Variants in PDE4D observed in about 807,000 individuals in gnomAD.
PDE4D encodes phosphodiesterase 4D.
In PDE4D, 24 loss-of-function variants were observed where a neutral mutation model predicts 87.4. The ratio of observed to expected loss-of-function variants is 0.27; its 90% CI spans 0.20 to 0.39. The LOEUF (loss-of-function observed/expected upper bound fraction) is 0.39, where lower values mean the gene tolerates loss of function less well. Among genes scored for constraint, PDE4D ranks in the 10% least tolerant of loss-of-function variants. The pLI is 1.00. For missense variants in PDE4D, 714 were observed against 1,041.0 expected (o/e 0.69, Z 4.32); for synonymous variants, 384 against 383.2 (o/e 1.00, Z -0.02).
chr5:59,527,895 T>C (rs1438977265), intron 1 of PDE4D, among the ~76,000 whole-genome samples: 3 of 152,178 alleles, frequency 2.0e-5, no homozygotes, highest in South Asian at 2.1e-4. Flanking sequence ...ATCTGAACCA[T>C]TGTGCTAAGA....
intron 2 of PDE4D, among the ~76,000 whole-genome samples, chr5:60,068,195 G>A (rs1772315782): frequency 6.6e-6 from 1 of 152,048 alleles, no homozygotes; most frequent in South Asian, 2.1e-4. Flanking sequence ...AGTGTGCAAG[G>A]GTTCCAATTT....
chr5:60,017,018 A>G (rs1765581674), intron 2 of PDE4D, among the ~76,000 whole-genome samples: 2 of 152,216 alleles, frequency 1.3e-5, no homozygotes, highest in South Asian at 4.1e-4. Flanking sequence ...GAAAGTCAAA[A>G]TGACTCCTAG....
chr5:59,321,621 G>C (rs1245797887), intron 1 of PDE4D, among the ~76,000 whole-genome samples: 1 of 152,068 alleles, frequency 6.6e-6, no homozygotes, highest in South Asian at 2.1e-4. Context: ...TCTATGAGAT[G>C]GTGTGAAAAG....
At chr5:59,365,930 G>A (rs1348380667) in intron 1 of PDE4D, among the ~76,000 whole-genome samples, 1 of 152,166 alleles carries the variant, frequency 6.6e-6, no homozygotes. Flanking sequence ...TCCTGGAATA[G>A]TCCAGAATGA....
chr5:59,673,986 C>G (rs995110821), intron 1 of PDE4D, among the ~76,000 whole-genome samples: 2 of 152,062 alleles, frequency 1.3e-5, no homozygotes, highest in Non-Finnish European at 2.9e-5. Context: ...GTTTTTGAAA[C>G]AATTCCAAAT....
intron 3 of PDE4D, among the ~76,000 whole-genome samples, chr5:59,191,867 G>C (rs749922791): frequency 6.6e-6 from 1 of 151,922 alleles, no homozygotes; most frequent in Admixed American, 6.6e-5. Flanking sequence ...CACCGCACCC[G>C]GCCATAAGTT....
rs1742292570 is a variant in PDE4D, at chr5:58,969,787, A to C, written c.*4877T>G. ...AAAAATAATTGTCAAGTATCTGAAT[A>C]ATTTTCAATATCCCAGAATATTCAA... is the stretch of plus-strand genomic sequence containing the variant. On this transcript the variant is annotated 3_prime_UTR_variant, in exon 15 of 15. Coordinates refer to ENST00000340635, the MANE Select transcript of PDE4D (RefSeq NM_001104631.2). 1 of 152,204 alleles carries C rather than the reference A, an allele frequency of 6.6e-6. No individual in the cohort carries two copies. Among genetic ancestry groups the C allele is most frequent in the Non-Finnish European group, 1.5e-5 (1 of 68,032 alleles). The allele number at this position is 152,204 out of a possible 1,614,324, so 9.4% of individuals were successfully genotyped here.
chr5:59,751,617 A>AGAGC (rs57969951), intron 1 of PDE4D, among the ~76,000 whole-genome samples: 4,033 of 116,930 alleles, frequency 0.034, 196 homozygotes, highest in African/African-American at 0.11. Context: ...GTGTGATGTG[A>AGAGC]GAGCGAGCGA....
At chr5:59,204,193 CA>C (rs11346574) in intron 2 of PDE4D, among the ~76,000 whole-genome samples, 28,409 of 133,532 alleles carry the variant, frequency 0.21, 3,202 homozygotes, top group African/African-American at 0.36. Flanking sequence ...CATCTTTGAC[CA>C]AAAAAAAAAA....
chr5:59,468,320 T>TTACTGTTC (rs1400671325), intron 1 of PDE4D, among the ~76,000 whole-genome samples: 1 of 152,174 alleles, frequency 6.6e-6, no homozygotes, highest in Non-Finnish European at 1.5e-5. Context: ...GTGTCATTCT[T>TTACTGTTC]TACTGTTCAC....
intron 1 of PDE4D, among the ~76,000 whole-genome samples, chr5:59,508,964 AC>A (rs1291517607): frequency 7.2e-5 from 11 of 152,028 alleles, no homozygotes; most frequent in African/African-American, 2.7e-4. Context: ...CATAAGTCTT[AC>A]TAGGGTTGGG....
chr5:59,065,063 TATATACACACACACACACACACAC>T (rs370858989), intron 5 of PDE4D, among the ~76,000 whole-genome samples: 30,164 of 109,266 alleles, frequency 0.28, 4,146 homozygotes, highest in Middle Eastern at 0.34. Flanking sequence ...ATGTGATATA[TATATACACACACACACACACACAC>T]ACACACACAC....
At chr5:60,305,114 A>G (rs1360144062) in intron 1 of PDE4D, among the ~76,000 whole-genome samples, 1 of 151,928 alleles carries the variant, frequency 6.6e-6, no homozygotes, top group Non-Finnish European at 1.5e-5. Flanking sequence ...AAAATTCAGA[A>G]CAAACCTCTG....
chr5:59,487,592 G>A (rs1212106490), intron 1 of PDE4D, among the ~76,000 whole-genome samples: 1 of 152,086 alleles, frequency 6.6e-6, no homozygotes, highest in African/African-American at 2.4e-5. Flanking sequence ...GTTCCAGAAA[G>A]CATTTAAGGC....
intron 1 of PDE4D, among the ~76,000 whole-genome samples, chr5:60,256,584 A>C (rs866401852): frequency 6.6e-6 from 1 of 151,900 alleles, no homozygotes; most frequent in Non-Finnish European, 1.5e-5. Context: ...ACATTGCATA[A>C]AAAAAATTTC....
At chr5:60,106,449 C>T (rs1450071359) in intron 2 of PDE4D, among the ~76,000 whole-genome samples, 19 of 151,904 alleles carry the variant, frequency 1.3e-4, no homozygotes, top group East Asian at 3.9e-4. Flanking sequence ...GACAGATCAA[C>T]GAGACAGAAA....
At chr5:59,266,431 T>C (rs1762873128) in intron 1 of PDE4D, among the ~76,000 whole-genome samples, 2 of 151,740 alleles carry the variant, frequency 1.3e-5, no homozygotes, top group Non-Finnish European at 2.9e-5. Context: ...AATCAGATTA[T>C]AGGTTATTCT....
chr5:59,674,887 C>A (rs1747808598), intron 1 of PDE4D, among the ~76,000 whole-genome samples: 1 of 152,174 alleles, frequency 6.6e-6, no homozygotes, highest in Admixed American at 6.5e-5. Context: ...ATTTGTGTGG[C>A]TCAAAACAGC....
At chr5:58,987,023 A>G (rs1746604934) in intron 11 of PDE4D, among the ~76,000 whole-genome samples, 1 of 152,160 alleles carries the variant, frequency 6.6e-6, no homozygotes, top group Non-Finnish European at 1.5e-5. Flanking sequence ...TGTATTTACT[A>G]AAAATTGATA....
Sources: gnomAD v4.1 joint callset for allele counts (sites outside exome capture counted in the v4.1 genomes callset) on GRCh38, gnomAD v4.1.1 for gene constraint, MANE v1.5 for transcripts, NCBI Gene and HGNC (gene_info 2026-07-23, HGNC 2026-07-21) for gene names.